HOMER1: variants seen among roughly 807,000 people sequenced by gnomAD.
HOMER1 encodes homer protein homolog 1.
HOMER1 carries 3 observed loss-of-function variants against 48.9 expected under a neutral mutation model. The ratio of observed to expected loss-of-function variants is 0.06; its 90% CI spans 0.03 to 0.16. The LOEUF is 0.16. Ranked by LOEUF, HOMER1 falls within the 10% of genes least tolerant of loss-of-function variation. HOMER1 has a pLI of 1.00. For synonymous variants in HOMER1, 134 were observed against 146.4 expected (o/e 0.92, Z 0.61); for missense variants, 247 against 411.4 (o/e 0.60, Z 3.46).
intron 8 of HOMER1, among the ~76,000 whole-genome samples, chr5:79,381,793 G>C (rs1748987784): frequency 6.6e-6 from 1 of 151,940 alleles, no homozygotes; most frequent in Non-Finnish European, 1.5e-5. Context: ...GCTGAGGCAG[G>C]AGAATCACAT....
intron 1 of HOMER1, among the ~76,000 whole-genome samples, chr5:79,491,236 A>G (rs1752267699): frequency 6.6e-6 from 1 of 151,704 alleles, no homozygotes; most frequent in Non-Finnish European, 1.5e-5. Flanking sequence ...ATTCAAGACC[A>G]GCCTGAGCAA....
chr5:79,437,538 C>T lies in HOMER1; in HGVS notation c.527+1472G>A, dbSNP rs546120389. 3.6e-4 allele frequency among the ~76,000 whole-genome samples: 54 copies of T among 151,576 alleles called. No individual in the cohort carries two copies. In the Middle Eastern group the frequency reaches 0.017, roughly 48 times the overall value. On this transcript the variant is annotated intron_variant, in intron 5 of 8. Coordinates refer to ENST00000334082, the MANE Select transcript of HOMER1 (RefSeq NM_004272.5). ...ACTATAAACAGAAAATATCGTTATA[C>T]CACAACAATAAATCTATAACTCCAC...
At chr5:79,394,453 C>A (rs1749329665) in intron 8 of HOMER1, among the ~76,000 whole-genome samples, 6 of 152,118 alleles carry the variant, frequency 3.9e-5, no homozygotes, top group Admixed American at 3.9e-4. Context: ...CTTCCCTGTC[C>A]TGTTCTAGGT....
intron 1 of HOMER1, among the ~76,000 whole-genome samples, chr5:79,494,312 G>A (rs890875530): frequency 3.9e-5 from 6 of 152,028 alleles, no homozygotes; most frequent in African/African-American, 9.7e-5. Flanking sequence ...GCATTCCCAC[G>A]GGGCTGACGA....
rs193063072 is a variant in HOMER1, at chr5:79,383,489, G to A, written c.877-7292C>T. On this transcript the variant is annotated intron_variant, in intron 8 of 8. Transcript: ENST00000334082. ...CAACCTCTGCCTCCCGGGTTCAAGC[G>A]ATTTTCCTGCCTCAGCCTCCTGAGT... Among the ~76,000 whole-genome samples, 1,197 of 151,660 alleles carry A rather than the reference G, an allele frequency of 7.9e-3. 7 individuals carry two copies. Among genetic ancestry groups the A allele is most frequent in the Non-Finnish European group, 0.013 (915 of 67,922 alleles).
At chr5:79,400,485 T>G (rs1385130003) in intron 6 of HOMER1, among the ~76,000 whole-genome samples, 4 of 151,470 alleles carry the variant, frequency 2.6e-5, no homozygotes, top group African/African-American at 4.9e-5. Context: ...GCCTCCTAAG[T>G]AGTTGGAACT....
intron 6 of HOMER1, among the ~76,000 whole-genome samples, chr5:79,401,334 G>A (rs34958605): frequency 0.19 from 28,545 of 151,884 alleles, 3,693 homozygotes; most frequent in East Asian, 0.42. Context: ...ATTGTACAGA[G>A]TACTTATTAT....
chr5:79,510,694 G>C lies in HOMER1; in HGVS notation c.5+2076C>G, dbSNP rs562067233. On this transcript the variant is annotated intron_variant, in intron 1 of 8. Coordinates refer to ENST00000334082, the MANE Select transcript of HOMER1 (RefSeq NM_004272.5). The stretch of plus-strand genomic sequence containing the variant: ...AGGAGGTTAAGCCCAAGATCCCAAA[G>C]GGTGTCAGCCGCAAGCTCAACTTGC... 3.9e-4 allele frequency: 346 copies of C among 882,660 alleles called. 2 individuals are homozygous for C. The highest frequency in any genetic ancestry group is 5.9e-4 in the Non-Finnish European group (312 of 530,956). 54.7% of individuals were successfully genotyped at this position (882,660 alleles called of 1,614,324 possible). A position where few individuals can be genotyped will look rare whatever the true frequency, so the allele number is the denominator to read the frequency against.
chr5:79,456,710 C>T, intron 2 of HOMER1, 152 bp downstream of exon 2: 1 of 636,522 alleles, frequency 1.6e-6, no homozygotes, highest in Non-Finnish European at 2.6e-6. Context: ...AAACATGTTG[C>T]TACCTTAATA....
At chr5:79,394,588 C>A (rs1157773141) in intron 8 of HOMER1, among the ~76,000 whole-genome samples, 1 of 152,140 alleles carries the variant, frequency 6.6e-6, no homozygotes, top group Admixed American at 6.5e-5. Flanking sequence ...TTCATTCATA[C>A]ATTTATTGAG....
intron 1 of HOMER1, among the ~76,000 whole-genome samples, chr5:79,490,796 T>TA (rs1752250378): frequency 1.6e-5 from 2 of 124,902 alleles, no homozygotes; most frequent in African/African-American, 6.6e-5. Flanking sequence ...AAAAAAACCA[T>TA]AAAAAAATTA....
At chr5:79,495,601 C>A (rs968495100) in intron 1 of HOMER1, among the ~76,000 whole-genome samples, 1 of 152,212 alleles carries the variant, frequency 6.6e-6, no homozygotes, top group African/African-American at 2.4e-5. Context: ...ACGTTTTTTA[C>A]AAATGCTCAT....
chr5:79,492,649 C>G (rs1752312118), intron 1 of HOMER1, among the ~76,000 whole-genome samples: 1 of 152,130 alleles, frequency 6.6e-6, no homozygotes, highest in African/African-American at 2.4e-5. Context: ...ACCTCTAAGA[C>G]TTTCCATAGG....
intron 5 of HOMER1, among the ~76,000 whole-genome samples, chr5:79,425,129 G>C (rs1458694909): frequency 1.3e-5 from 2 of 151,702 alleles, no homozygotes; most frequent in Non-Finnish European, 2.9e-5. Context: ...TTTGCATCTT[G>C]TCAATTAGGA....
intron 1 of HOMER1, among the ~76,000 whole-genome samples, chr5:79,507,206 C>G (rs1429922523): frequency 1.0e-5 from 1 of 98,740 alleles, no homozygotes; most frequent in Non-Finnish European, 1.8e-5. Flanking sequence ...GAGTGAGGCT[C>G]TATCTCAAAA....
At chr5:79,454,144 A>G (rs1338423808) in intron 2 of HOMER1, among the ~76,000 whole-genome samples, 1 of 152,260 alleles carries the variant, frequency 6.6e-6, no homozygotes, top group Non-Finnish European at 1.5e-5. Flanking sequence ...GGAAGAACAC[A>G]TGAGGATTAT....
chr5:79,404,418 G>A (rs769128974), intron 5 of HOMER1, among the ~76,000 whole-genome samples: 1 of 151,936 alleles, frequency 6.6e-6, no homozygotes, highest in East Asian at 1.9e-4. Context: ...GGGTAACCTC[G>A]GACCCAACAC....
intron 8 of HOMER1, among the ~76,000 whole-genome samples, chr5:79,389,730 C>A (rs1396435557): frequency 6.6e-6 from 1 of 152,186 alleles, no homozygotes; most frequent in African/African-American, 2.4e-5. Context: ...AGTGTGAGAA[C>A]TTTCTGTTCT....
intron 1 of HOMER1, among the ~76,000 whole-genome samples, chr5:79,492,801 G>GA (rs1309095677): frequency 6.6e-6 from 1 of 151,058 alleles, no homozygotes; most frequent in Non-Finnish European, 1.5e-5. Flanking sequence ...GCTAAGGGGG[G>GA]AAAAAGTGAT....
Sources: gnomAD v4.1 joint callset for allele counts (sites outside exome capture counted in the v4.1 genomes callset) on GRCh38, gnomAD v4.1.1 for gene constraint, MANE v1.5 for transcripts, NCBI Gene and HGNC (gene_info 2026-07-23, HGNC 2026-07-21) for gene names.